NTM: variants seen among roughly 807,000 people sequenced by gnomAD.
The protein encoded by NTM is neurotrimin.
A neutral mutation model predicts 42.1 loss-of-function variants in NTM; 13 were observed. That is an observed-to-expected ratio of 0.31 (90% confidence interval 0.20 to 0.49). NTM has a LOEUF of 0.49. NTM is among the 20% of genes least tolerant of loss of function. The probability of loss-of-function intolerance (pLI) is 0.99; values close to 1 mark genes in which losing one functional copy is unlikely to be tolerated. For synonymous variants in NTM, 187 were observed against 179.2 expected, an observed-to-expected ratio of 1.04 and a Z score of -0.35; for missense variants, 373 against 452.8, an observed-to-expected ratio of 0.82 and a Z score of 1.60.
intron 1 of NTM, among the ~76,000 whole-genome samples, chr11:131,504,334 G>A (rs992012758): frequency 4.6e-5 from 7 of 152,140 alleles, no homozygotes; most frequent in African/African-American, 1.7e-4. Context: ...TCCTCTGTTG[G>A]CATGGGGATA....
chr11:131,794,477 C>A (rs1410931962), intron 1 of NTM: 3 of 984,974 alleles, frequency 3.0e-6, no homozygotes, highest in African/African-American at 3.5e-5. Flanking sequence ...CCCCACCCGC[C>A]GTTTACTACT....
At chr11:131,625,129 C>A (rs571763582) in intron 1 of NTM, among the ~76,000 whole-genome samples, 2 of 152,244 alleles carry the variant, frequency 1.3e-5, no homozygotes, top group East Asian at 3.9e-4. Flanking sequence ...ATACAGAAAT[C>A]AACCTTGTAG....
At chr11:131,961,660 C>T (rs1425601108) in intron 2 of NTM, among the ~76,000 whole-genome samples, 2 of 152,186 alleles carry the variant, frequency 1.3e-5, no homozygotes, top group Non-Finnish European at 2.9e-5. Flanking sequence ...AATCAGATTA[C>T]ACTGGAGCAG....
intron 4 of NTM, among the ~76,000 whole-genome samples, chr11:132,218,655 C>G (rs948490787): frequency 4.6e-5 from 7 of 152,158 alleles, no homozygotes; most frequent in African/African-American, 1.7e-4. Flanking sequence ...AGTTTTCGCT[C>G]TGTTATTCCT....
chr11:132,327,256 G>GTCTT (rs2095702865), intron 7 of NTM, among the ~76,000 whole-genome samples: 1 of 152,190 alleles, frequency 6.6e-6, no homozygotes, highest in African/African-American at 2.4e-5. Context: ...CTGGTCCTTT[G>GTCTT]TCTTTTATCT....
At chr11:131,733,443 T>TTTCCTTCC (rs762313495) in intron 1 of NTM, among the ~76,000 whole-genome samples, 3 of 142,762 alleles carry the variant, frequency 2.1e-5, no homozygotes, top group African/African-American at 8.5e-5. Flanking sequence ...TAAAATGTCT[T>TTTCCTTCC]TTCCTTCCTT....
rs73587325 is a variant in NTM, at chr11:132,043,754, C to T, written c.168-102528C>T. Among the ~76,000 whole-genome samples the T allele has an allele frequency of 2.3e-3, 349 of 152,210 alleles. 1 individual carries two copies. The highest frequency in any genetic ancestry group is 7.7e-3 in the African/African-American group (318 of 41,534). ...GGGAAGTCTGGGGACTTACCATTGT[C>T]GAGTAGTATCAGGTGGTGTCTGGAG... On this transcript the variant is annotated intron_variant, in intron 2 of 8. Coordinates refer to ENST00000683400, the MANE Select transcript of NTM (RefSeq NM_001352005.2).
chr11:131,449,661 G>C (rs968812852), intron 1 of NTM, among the ~76,000 whole-genome samples: 2 of 152,188 alleles, frequency 1.3e-5, no homozygotes, highest in Non-Finnish European at 2.9e-5. Flanking sequence ...CTCTGTTCTT[G>C]TGGTAATTTC....
chr11:131,950,185 C>T (rs1197842214), intron 2 of NTM, among the ~76,000 whole-genome samples: 2 of 152,244 alleles, frequency 1.3e-5, no homozygotes, highest in South Asian at 2.1e-4. Flanking sequence ...CTAGAGGCCT[C>T]CTGTTTTTCA....
chr11:131,985,009 T>A (rs2065848117), intron 2 of NTM, among the ~76,000 whole-genome samples: 1 of 152,166 alleles, frequency 6.6e-6, no homozygotes, highest in Admixed American at 6.5e-5. Context: ...ATCTTCTTCC[T>A]GACATTTGAG....
chr11:131,604,896 CTCTAT>C (rs149501714), intron 1 of NTM, among the ~76,000 whole-genome samples: 63,614 of 150,342 alleles, frequency 0.42, 15,549 homozygotes, highest in East Asian at 0.61. Flanking sequence ...TTTTTCTGGA[CTCTAT>C]TCTATTTCAT....
intron 1 of NTM, among the ~76,000 whole-genome samples, chr11:131,895,570 AG>A (rs1413931748): frequency 1.3e-5 from 2 of 152,306 alleles, no homozygotes; most frequent in East Asian, 3.9e-4. Context: ...CTAGTTGGTA[AG>A]ATCAGACAAA....
intron 4 of NTM, among the ~76,000 whole-genome samples, chr11:132,253,514 T>A (rs1348733292): frequency 6.6e-6 from 1 of 152,192 alleles, no homozygotes; most frequent in Admixed American, 6.5e-5. Flanking sequence ...TCTAGTTACA[T>A]ACAAGGACCA....
intron 2 of NTM, among the ~76,000 whole-genome samples, chr11:132,108,373 C>T (rs1376911109): frequency 6.6e-6 from 1 of 152,116 alleles, no homozygotes; most frequent in East Asian, 1.9e-4. Context: ...TGAAATAGTG[C>T]CATTTGTAGC....
intron 2 of NTM, among the ~76,000 whole-genome samples, chr11:131,962,576 G>C (rs931943179): frequency 2.0e-5 from 3 of 152,212 alleles, no homozygotes; most frequent in Non-Finnish European, 4.4e-5. Flanking sequence ...CTGGCATCTG[G>C]ATCTTGGACT....
chr11:131,371,086 G>A lies in NTM; in HGVS notation c.82+198G>A, dbSNP rs868014636. 23 of 985,368 alleles carry A rather than the reference G, an allele frequency of 2.3e-5. No individual in the cohort carries two copies. In the Middle Eastern group the frequency reaches 1.6e-3, roughly 67 times the overall value. 61.0% of individuals were successfully genotyped at this position (985,368 alleles called of 1,614,324 possible). A position where few individuals can be genotyped will look rare whatever the true frequency, so the allele number is the denominator to read the frequency against. On this transcript the variant is annotated intron_variant, in intron 1 of 8. Coordinates refer to ENST00000683400, the MANE Select transcript of NTM (RefSeq NM_001352005.2). Reference sequence around the variant, plus strand: ...ATTTGATTCTGGCTGCTACCGGAATGGGGGAATATGTATGTGCATAAGTAA... The same window carrying A: ...ATTTGATTCTGGCTGCTACCGGAATAGGGGAATATGTATGTGCATAAGTAA...
chr11:132,042,086 A>G (rs1244757013), intron 2 of NTM, among the ~76,000 whole-genome samples: 1 of 152,110 alleles, frequency 6.6e-6, no homozygotes, highest in African/African-American at 2.4e-5. Flanking sequence ...TATTGTTTTA[A>G]ATGAGTAAGC....
intron 1 of NTM, among the ~76,000 whole-genome samples, chr11:131,437,638 G>A (rs1038580136): frequency 2.0e-5 from 3 of 152,048 alleles, no homozygotes; most frequent in Admixed American, 6.6e-5. Flanking sequence ...CATTTGCTTG[G>A]TAGATCTTCC....
At chr11:132,318,670 G>A (rs1409886461) in intron 7 of NTM, among the ~76,000 whole-genome samples, 3 of 152,174 alleles carry the variant, frequency 2.0e-5, no homozygotes, top group Admixed American at 6.5e-5. Flanking sequence ...GTCACCCTGA[G>A]GACAGTGCTG....
Sources: gnomAD v4.1 joint callset for allele counts (sites outside exome capture counted in the v4.1 genomes callset) on GRCh38, gnomAD v4.1.1 for gene constraint, MANE v1.5 for transcripts, NCBI Gene and HGNC (gene_info 2026-07-23, HGNC 2026-07-21) for gene names.